The following TRPM1 variants were observed in gnomAD, a reference collection of about 807,000 sequenced individuals.
The protein encoded by TRPM1 is transient receptor potential cation channel subfamily M member 1.
A neutral mutation model predicts 149.4 loss-of-function variants in TRPM1; 113 were observed. That is an observed-to-expected ratio of 0.76 (90% confidence interval 0.65 to 0.88). The LOEUF (loss-of-function observed/expected upper bound fraction) is 0.88, where lower values mean the gene tolerates loss of function less well. TRPM1 is among the 40% of genes least tolerant of loss of function. TRPM1 has a pLI of 0.00. For synonymous variants in TRPM1, 741 were observed against 759.5 expected (o/e 0.98, Z 0.40); for missense variants, 1,976 against 2,038.7 (o/e 0.97, Z 0.59).
Position 31,050,511 on chromosome 15 carries a change from G to A in TRPM1, c.1335C>T (p.Thr445=). 6.2e-7 allele frequency: 1 copy of A among 1,614,042 alleles called. No homozygotes were observed. The highest frequency in any genetic ancestry group is 1.7e-5 in the Admixed American group (1 of 60,010). Residue 445 remains threonine (T), a synonymous_variant, in exon 12 of 28, where the codon ACC becomes ACT. Coordinates refer to ENST00000256552, the MANE Select transcript of TRPM1 (RefSeq NM_001252024.2). ...TEKEKKPPMA[T]TKGGRGKGKG... ...TCCCTTTTCCTCTTCCTCCCTTGGTGGTGGCCATGGGTGGCTTCTTCTCCT... is the reference window on the plus strand; with the variant it reads ...TCCCTTTTCCTCTTCCTCCCTTGGTAGTGGCCATGGGTGGCTTCTTCTCCT...
intron 1 of TRPM1, among the ~76,000 whole-genome samples, chr15:31,143,636 C>T (rs1057187703): frequency 6.6e-6 from 1 of 152,156 alleles, no homozygotes; most frequent in African/African-American, 2.4e-5. Flanking sequence ...TGGTCTTGTA[C>T]TCCTGACCTC....
intron 14 of TRPM1, 112 bp from the exon 15 acceptor site, chr15:31,047,363 A>G: frequency 8.5e-7 from 1 of 1,174,176 alleles, no homozygotes; most frequent in East Asian, 2.5e-5. Flanking sequence ...AGTTCATGTA[A>G]CAGGTGGGTG....
intron 11 of TRPM1, among the ~76,000 whole-genome samples, chr15:31,056,116 T>C (rs964410418): frequency 1.3e-5 from 2 of 151,942 alleles, no homozygotes; most frequent in African/African-American, 4.8e-5. Flanking sequence ...AGTTGAGATT[T>C]CCAAAAACAT....
chr15:31,026,361 A>C, intron 26 of TRPM1, 90 bp from the exon 27 acceptor site: 1 of 1,507,874 alleles, frequency 6.6e-7, no homozygotes. Context: ...CACTTTAATT[A>C]AGCTCTCTTC....
chr15:31,140,357 C>T (rs755637617), intron 1 of TRPM1, among the ~76,000 whole-genome samples: 13 of 150,676 alleles, frequency 8.6e-5, no homozygotes, highest in Non-Finnish European at 1.5e-4. Flanking sequence ...GCAGCCTGGG[C>T]GACAGAGAGA....
chr15:31,058,925 T>G (rs1352201381), intron 11 of TRPM1, among the ~76,000 whole-genome samples: 1 of 151,838 alleles, frequency 6.6e-6, no homozygotes, highest in African/African-American at 2.4e-5. Context: ...CCACTAAAAA[T>G]GCAAAAAAAA....
In TRPM1 at chr15:31,001,933, T is replaced by C; in HGVS notation, c.4767A>G (p.Leu1589=). Reference sequence around the variant, plus strand: ...CACTACTGGCATGTCCAGATCTGTCTAACTTTCCCTGAATGGATTTCACAT... The same window carrying C: ...CACTACTGGCATGTCCAGATCTGTCCAACTTTCCCTGAATGGATTTCACAT... ...PRNVKSIQGK[L]DRSGHASSVS... is the part of the protein sequence containing the mutation. The change falls in exon 28 of 28, where the codon TTA becomes TTG. Residue 1589 remains leucine, a synonymous_variant. Transcript: ENST00000256552. The C allele has an allele frequency of 6.2e-7, 1 of 1,614,198 alleles. No individual in the cohort carries two copies. Among genetic ancestry groups the C allele is most frequent in the Non-Finnish European group, 8.5e-7 (1 of 1,180,030 alleles).
intron 1 of TRPM1, among the ~76,000 whole-genome samples, chr15:31,137,348 C>T (rs553792854): frequency 6.6e-6 from 1 of 152,348 alleles, no homozygotes; most frequent in Admixed American, 6.5e-5. Flanking sequence ...ACTCTGCCTT[C>T]TGATATGCCT....
At chr15:31,093,547 C>T (rs1342846232) in intron 1 of TRPM1, among the ~76,000 whole-genome samples, 1 of 151,854 alleles carries the variant, frequency 6.6e-6, no homozygotes, top group Non-Finnish European at 1.5e-5. Flanking sequence ...AATGGAAAGA[C>T]ATCCTGTATT....
chr15:31,061,478 C>T lies in TRPM1; in HGVS notation c.1126G>A (p.Asp376Asn), dbSNP rs765946115. 4 of 1,614,074 alleles carry T rather than the reference C, an allele frequency of 2.5e-6. No individual in the cohort carries two copies. The highest frequency in any genetic ancestry group is 1.7e-5 in the Admixed American group (1 of 60,024). Reference protein sequence around the residue: ...VFRMGSEGQQDIEMAILTALL... With the variant: ...VFRMGSEGQQNIEMAILTALL... ...GCAGTTAAAATTGCCATCTCGATGTCCTGCTGGCCCTCAGAACCCATTCTG... is the reference window on the plus strand; with the variant it reads ...GCAGTTAAAATTGCCATCTCGATGTTCTGCTGGCCCTCAGAACCCATTCTG... The change falls in exon 10 of 28, where the codon GAC becomes AAC. Residue 376 changes from aspartate to asparagine, a missense_variant. Physicochemically the swap from Asp to Asn is conservative, Grantham distance 23. Transcript: ENST00000256552.
chr15:31,157,796 G>C (rs1479045241), intron 1 of TRPM1, among the ~76,000 whole-genome samples: 2 of 152,180 alleles, frequency 1.3e-5, no homozygotes, highest in African/African-American at 4.8e-5. Flanking sequence ...GGCCAGCCAA[G>C]GACAAAGGGT....
intron 2 of TRPM1, 112 bp from the exon 3 acceptor site, chr15:31,077,096 A>T (rs1261357947): frequency 9.6e-6 from 7 of 727,824 alleles, no homozygotes; most frequent in Non-Finnish European, 1.7e-5. Context: ...CTGAATAGTC[A>T]TCTGCAATAA....
At chr15:31,093,971 G>A (rs185497831) in intron 1 of TRPM1, among the ~76,000 whole-genome samples, 20 of 152,116 alleles carry the variant, frequency 1.3e-4, no homozygotes, top group Non-Finnish European at 1.5e-4. Context: ...ATTTCAAAGC[G>A]TCAGTAATCA....
In TRPM1 at chr15:31,047,881, A is replaced by G. The variant is rs2033825201; in HGVS notation, c.1623+8T>C. ...CAACAGGTAAGAATTGTAAAACAGT[A>G]GACTGACCTTTTTCACATCCCTCAC... On this transcript the variant is annotated splice_region_variant and intron_variant, in intron 14 of 27. Coordinates refer to ENST00000256552, the MANE Select transcript of TRPM1 (RefSeq NM_001252024.2). The G allele has an allele frequency of 6.2e-7, 1 of 1,610,518 alleles. No homozygotes were observed. Among genetic ancestry groups the G allele is most frequent in the South Asian group, 1.1e-5 (1 of 91,036 alleles).
intron 1 of TRPM1, among the ~76,000 whole-genome samples, chr15:31,117,807 C>A (rs1403384750): frequency 6.6e-6 from 1 of 151,984 alleles, no homozygotes; most frequent in African/African-American, 2.4e-5. Context: ...ATCAAAAACA[C>A]CTACAGCAAT....
chr15:31,004,873 G>A (rs141107350), intron 27 of TRPM1, among the ~76,000 whole-genome samples: 4,265 of 152,152 alleles, frequency 0.028, 73 homozygotes, highest in African/African-American at 0.044. Context: ...AGGCCAAGGC[G>A]GGTGGATCAC....
intron 1 of TRPM1, among the ~76,000 whole-genome samples, chr15:31,126,441 T>C (rs966938285): frequency 1.6e-4 from 25 of 152,070 alleles, no homozygotes; most frequent in African/African-American, 6.0e-4. Context: ...AGAACCCAGT[T>C]TGGTAGATGT....
chr15:31,089,208 T>G (rs2035141642), intron 1 of TRPM1, among the ~76,000 whole-genome samples: 1 of 152,168 alleles, frequency 6.6e-6, no homozygotes, highest in Non-Finnish European at 1.5e-5. Flanking sequence ...TCTAGGTAGT[T>G]CGTAATTCTC....
rs2031803468 is a variant in TRPM1 at position 31,002,285 on chromosome 15, C to T, written c.4415G>A (p.Gly1472Asp). The T allele has an allele frequency of 4.3e-6, 7 of 1,614,272 alleles. No homozygotes were observed. The highest frequency in any genetic ancestry group is 1.1e-5 in the South Asian group (1 of 91,090). ...FVYSRGRKLV[G>D]GVNQDVEYSS... is the part of the protein sequence containing the mutation. Reference sequence around the variant, plus strand: ...GTACTCTACATCCTGGTTAACCCCACCGACCAGCTTTCTTCCCCGGGAATA... The same window carrying T: ...GTACTCTACATCCTGGTTAACCCCATCGACCAGCTTTCTTCCCCGGGAATA... The change falls in exon 28 of 28, where the codon GGT (glycine) becomes GAT (aspartate). Residue 1472 changes from glycine (G) to aspartate (D), a missense_variant. Physicochemically the swap from Gly to Asp is moderately conservative, Grantham distance 94. Coordinates refer to ENST00000256552, the MANE Select transcript of TRPM1 (RefSeq NM_001252024.2).
Sources: gnomAD v4.1 joint callset for allele counts (sites outside exome capture counted in the v4.1 genomes callset) on GRCh38, gnomAD v4.1.1 for gene constraint, MANE v1.5 for transcripts, NCBI Gene and HGNC (gene_info 2026-07-23, HGNC 2026-07-21) for gene names.